MSH5: variants seen among roughly 807,000 people sequenced by gnomAD.
The protein encoded by MSH5 is mutS homolog 5, also known as mutS protein homolog 5.
A neutral mutation model predicts 107.7 loss-of-function variants in MSH5; 78 were observed. The observed-to-expected ratio is 0.72, with a 90% CI of 0.60 to 0.87. The LOEUF (loss-of-function observed/expected upper bound fraction) is 0.87. MSH5 is among the 40% of genes least tolerant of loss of function. The probability of loss-of-function intolerance (pLI) is 0.00; values close to 1 mark genes in which losing one functional copy is unlikely to be tolerated. For synonymous variants in MSH5, 326 were observed against 399.5 expected (o/e 0.82, Z 2.19); for missense variants, 889 against 1,046.6 (o/e 0.85, Z 2.08).
chr6:31,754,555 A>G (rs1810269082), intron 12 of MSH5, among the ~76,000 whole-genome samples: 1 of 151,890 alleles, frequency 6.6e-6, no homozygotes. Flanking sequence ...TTTGTCACCC[A>G]TACTAGAGCA....
intron 5 of MSH5, 57 bp downstream of exon 5, chr6:31,743,227 C>T: frequency 6.5e-7 from 1 of 1,544,560 alleles, no homozygotes; most frequent in Non-Finnish European, 8.9e-7. Flanking sequence ...ATTCTTTCCC[C>T]CAACTCTACC....
chr6:31,750,559 A>G (rs1809860299), intron 10 of MSH5, among the ~76,000 whole-genome samples: 1 of 152,230 alleles, frequency 6.6e-6, no homozygotes, highest in South Asian at 2.1e-4. Flanking sequence ...TGGTTTAACT[A>G]AAGTCTCTCC....
Position 31,760,110 on chromosome 6 carries a change from G to A in MSH5, c.1706G>A (p.Cys569Tyr), listed in dbSNP as rs372527730. 1.9e-6 allele frequency: 3 copies of A among 1,605,092 alleles called. No homozygotes were observed. The highest frequency in any genetic ancestry group is 2.6e-6 in the Non-Finnish European group (3 of 1,175,534). ...TGCAGACATCCTCTGATGGAACTCT[G>A]TGCCCGAACCTTTGTGCCCAACTCC... ...QNGRHPLMEL[C>Y]ARTFVPNSTE... The change falls in exon 19 of 25, where the codon TGT (cysteine) becomes TAT (tyrosine). Residue 569 changes from cysteine to tyrosine, a missense_variant. Coordinates refer to ENST00000375750, the MANE Select transcript of MSH5 (RefSeq NM_172166.4). The surrounding 1 kb of genome is among the most constrained non-coding windows in gnomAD (Gnocchi z 5.6).
At position 31,759,121 on chromosome 6, in the gene MSH5, C is replaced by T. The variant is rs535334486; in HGVS notation, c.1351C>T (p.Arg451Cys). The stretch of plus-strand genomic sequence containing the variant: ...GATTGGCTTCCTTCTTTCTATTCCC[C>T]GCCTGCCTTCCATGGTAGAGGCCAG... Reference protein sequence around the residue: ...PLIGFLLSIPRLPSMVEASDF... With the variant: ...PLIGFLLSIPCLPSMVEASDF... Residue 451 changes from arginine to cysteine, a missense_variant, in exon 16 of 25, where the codon CGC becomes TGC. Coordinates refer to ENST00000375750, the MANE Select transcript of MSH5 (RefSeq NM_172166.4). This position sits in a 1 kb window ranked among gnomAD's most constrained non-coding sequence, Gnocchi z 4.7. 2.4e-5 allele frequency: 38 copies of T among 1,612,978 alleles called. No individual in the cohort carries two copies. Among genetic ancestry groups the T allele is most frequent in the South Asian group, 4.4e-5 (4 of 91,078 alleles).
chr6:31,753,733 C>CTTTTTT, intron 12 of MSH5, 104 bp downstream of exon 12: 2 of 859,514 alleles, frequency 2.3e-6, no homozygotes, highest in Non-Finnish European at 3.6e-6. Flanking sequence ...ATTCTACCCT[C>CTTTTTT]TTTTTTTTTT....
intron 8 of MSH5, among the ~76,000 whole-genome samples, chr6:31,744,866 C>T (rs1159715966): frequency 6.6e-6 from 1 of 152,014 alleles, no homozygotes; most frequent in African/African-American, 2.4e-5. Flanking sequence ...GTAATCCCCG[C>T]GCTTTGGGAG....
chr6:31,759,190 A>G lies in MSH5; in HGVS notation c.1407+13A>G, dbSNP rs767916532. 9 of 1,609,260 alleles carry G rather than the reference A, an allele frequency of 5.6e-6. No individual in the cohort carries two copies. The highest frequency in any genetic ancestry group is 1.3e-5 in the African/African-American group (1 of 74,848). On this transcript the variant is annotated intron_variant, in intron 16 of 24. Transcript: ENST00000375750. This position sits in a 1 kb window ranked among gnomAD's most constrained non-coding sequence, Gnocchi z 4.7. The stretch of plus-strand genomic sequence containing the variant: ...ACTGGACTTCATGGTAAGACCCTCA[A>G]CCTCTGTAAGGTGAGTGATGAGGAA...
chr6:31,750,191 A>G (rs1408821795), intron 10 of MSH5, among the ~76,000 whole-genome samples: 3 of 152,252 alleles, frequency 2.0e-5, no homozygotes, highest in Non-Finnish European at 4.4e-5. Flanking sequence ...TGAACTAAGG[A>G]CAGGTGACAT....
intron 9 of MSH5, 96 bp downstream of exon 9, chr6:31,745,415 C>A: frequency 1.2e-6 from 1 of 829,716 alleles, no homozygotes; most frequent in Non-Finnish European, 2.0e-6. Context: ...CCACTTCACT[C>A]CCATTGTCAG....
At chr6:31,743,311 C>A (rs1809089353) in intron 5 of MSH5, 141 bp downstream of exon 5, 2 of 822,894 alleles carry the variant, frequency 2.4e-6, no homozygotes, top group African/African-American at 1.7e-5. Flanking sequence ...ATGACCTGTC[C>A]CCCCAAGATC....
At position 31,762,614 on chromosome 6, in the gene MSH5, C is replaced by T. The variant is rs1201667756; in HGVS notation, c.*83C>T. 2.5e-6 allele frequency: 2 copies of T among 808,890 alleles called. No individual in the cohort carries two copies. The highest frequency in any genetic ancestry group is 4.1e-6 in the Non-Finnish European group (2 of 486,568). The allele number at this position is 808,890 out of a possible 1,614,324, so 50.1% of individuals were successfully genotyped here. A position where few individuals can be genotyped will look rare whatever the true frequency, so the allele number is the denominator to read the frequency against. Reference sequence around the variant, plus strand: ...TTTGTTTCCTTATCTCCCTCAGACGCAGAGTTTTTAGTTTCTCTAGAAATT... The same window carrying T: ...TTTGTTTCCTTATCTCCCTCAGACGTAGAGTTTTTAGTTTCTCTAGAAATT... On this transcript the variant is annotated 3_prime_UTR_variant, in exon 25 of 25. Transcript: ENST00000375750.
Position 31,760,318 on chromosome 6 carries a change from T to C in MSH5, c.1812+102T>C. 1 of 1,441,598 alleles carries C rather than the reference T, an allele frequency of 6.9e-7. No homozygotes were observed. The highest frequency in any genetic ancestry group is 1.4e-5 in the South Asian group (1 of 73,330). The allele number at this position is 1,441,598 out of a possible 1,614,324, so 89.3% of individuals were successfully genotyped here. A position where few individuals can be genotyped will look rare whatever the true frequency, so the allele number is the denominator to read the frequency against. ...CTCCTGCAGCTCTTCTCCCATTTTC[T>C]GACCCCGCTCTTCATGAAAGGACCA... On this transcript the variant is annotated intron_variant, in intron 19 of 24. Transcript: ENST00000375750. The surrounding 1 kb of genome is among the most constrained non-coding windows in gnomAD (Gnocchi z 5.6).
rs3117577 is a variant in MSH5 at position 31,759,697 on chromosome 6, A to G, written c.1496-89A>G. The G allele has an allele frequency of 0.098, 143,885 of 1,467,932 alleles. 9,161 individuals are homozygous for G. Among genetic ancestry groups the G allele is most frequent in the Non-Finnish European group, 0.12 (129,165 of 1,071,626 alleles). The allele number at this position is 1,467,932 out of a possible 1,614,324, so 90.9% of individuals were successfully genotyped here. On this transcript the variant is annotated intron_variant, in intron 17 of 24. Transcript: ENST00000375750. This position sits in a 1 kb window ranked among gnomAD's most constrained non-coding sequence, Gnocchi z 4.7. ...CTTGAGGTCTCAGATTGTATCTGCAACCTGTTTCCAGATCCCCCTAGGGGC... is the reference window on the plus strand; with the variant it reads ...CTTGAGGTCTCAGATTGTATCTGCAGCCTGTTTCCAGATCCCCCTAGGGGC...
Position 31,762,175 on chromosome 6 carries a change from C to G in MSH5, c.2383C>G (p.Gln795Glu). 1 of 1,614,144 alleles carries G rather than the reference C, an allele frequency of 6.2e-7. No individual in the cohort carries two copies. The highest frequency in any genetic ancestry group is 2.2e-5 in the East Asian group (1 of 44,884). Residue 795 changes from glutamine (Q) to glutamate (E), a missense_variant, in exon 24 of 25, where the codon CAA (glutamine) becomes GAA (glutamate). Physicochemically the swap from Gln to Glu is conservative, Grantham distance 29 (BLOSUM62 2). Coordinates refer to ENST00000375750, the MANE Select transcript of MSH5 (RefSeq NM_172166.4). ...KPVKDLLKKN[Q>E]MENCQTLVDK... ...TGTCAAGGATTTGCTAAAGAAGAACCAAATGGAAAAGTGCGTATATGGCCC... is the reference window on the plus strand; with the variant it reads ...TGTCAAGGATTTGCTAAAGAAGAACGAAATGGAAAAGTGCGTATATGGCCC...
chr6:31,760,238 T>C lies in MSH5; in HGVS notation c.1812+22T>C, dbSNP rs1285066741. 6.4e-7 allele frequency: 1 copy of C among 1,557,252 alleles called. No homozygotes were observed. On this transcript the variant is annotated intron_variant, in intron 19 of 24. Transcript: ENST00000375750. The surrounding 1 kb of genome is among the most constrained non-coding windows in gnomAD (Gnocchi z 5.6). ...ACAGGTGAGGAGAAGCCCTGCAGCC[T>C]GGGCCTCTGGCGTCTCCTGCATCTA...
Position 31,747,389 on chromosome 6 carries a change from A to C in MSH5, c.769A>C (p.Ile257Leu). ...GLKEGLSLFGILNRCHCKWGE... is the reference protein window; with the variant it reads ...GLKEGLSLFGLLNRCHCKWGE... ...ACTCCCTGCCTTATCCCTCACAGGA[A>C]TCCTCAACAGATGCCACTGTAAGTG... Residue 257 changes from isoleucine to leucine, a missense_variant and splice_region_variant, in exon 10 of 25, where the codon ATC becomes CTC. This residue lies in a region of MSH5 where 518 missense variants were observed against 565.0 expected (regional missense o/e 0.92). Coordinates refer to ENST00000375750, the MANE Select transcript of MSH5 (RefSeq NM_172166.4). 1 of 1,613,096 alleles carries C rather than the reference A, an allele frequency of 6.2e-7. No individual in the cohort carries two copies. The highest frequency in any genetic ancestry group is 8.5e-7 in the Non-Finnish European group (1 of 1,180,018).
intron 7 of MSH5, 81 bp from the exon 8 acceptor site, chr6:31,744,465 A>C (rs1466111687): frequency 2.5e-6 from 4 of 1,569,428 alleles, no homozygotes; most frequent in Non-Finnish European, 3.5e-6. Context: ...GACTGGGACA[A>C]TATTCAGAGA....
At position 31,761,773 on chromosome 6, in the gene MSH5, G is replaced by A. The variant is rs1398385698; in HGVS notation, c.2182-45G>A. 6.2e-7 allele frequency: 1 copy of A among 1,612,984 alleles called. No individual in the cohort carries two copies. Among genetic ancestry groups the A allele is most frequent in the Non-Finnish European group, 8.5e-7 (1 of 1,180,022 alleles). ...AGGATTGGCCAAGGGTTTCAGGACAGGAAGGAGGTGATTGATGATACACTG... is the reference window on the plus strand; with the variant it reads ...AGGATTGGCCAAGGGTTTCAGGACAAGAAGGAGGTGATTGATGATACACTG... On this transcript the variant is annotated intron_variant, in intron 22 of 24. Transcript: ENST00000375750. The surrounding 1 kb of genome is among the most constrained non-coding windows in gnomAD (Gnocchi z 5.3).
At chr6:31,755,881 C>T (rs746995976) in intron 12 of MSH5, among the ~76,000 whole-genome samples, 12 of 152,090 alleles carry the variant, frequency 7.9e-5, no homozygotes, top group Non-Finnish European at 1.5e-4. Flanking sequence ...TCTTTTTCTT[C>T]TCCTGGCAAT....
Sources: allele counts gnomAD v4.1 joint callset (sites outside exome capture counted in the v4.1 genomes callset), GRCh38; gene constraint gnomAD v4.1.1; regional missense constraint gnomAD v4.1.1; non-coding constraint Gnocchi (gnomAD v3.1); transcripts MANE v1.5; gene names NCBI Gene and HGNC (gene_info 2026-07-23, HGNC 2026-07-21).